The following RPTOR variants were observed in gnomAD, a reference collection of about 807,000 sequenced individuals.
RPTOR encodes regulatory associated protein of MTOR complex 1, also known as regulatory-associated protein of mTOR.
A neutral mutation model predicts 169.9 loss-of-function variants in RPTOR; 21 were observed. The observed-to-expected ratio is 0.12, with a 90% CI of 0.09 to 0.18. The LOEUF is 0.18. Among genes scored for constraint, RPTOR ranks in the 10% least tolerant of loss-of-function variants. The pLI, the probability that RPTOR is intolerant of heterozygous loss-of-function variation, is 1.00. For synonymous variants in RPTOR, 732 were observed against 753.2 expected, an observed-to-expected ratio of 0.97 and a Z score of 0.46; for missense variants, 1,133 against 1,855.9, an observed-to-expected ratio of 0.61 and a Z score of 7.16.
chr17:80,961,774 G>GGGGTGGCA (rs1180483783), intron 31 of RPTOR: 3 of 385,432 alleles, frequency 7.8e-6, no homozygotes, highest in African/African-American at 2.0e-5. Flanking sequence ...TCCACGGGCA[G>GGGGTGGCA]GGGTGGCAGG....
At chr17:80,705,098 C>T (rs562359541) in intron 3 of RPTOR, among the ~76,000 whole-genome samples, 1 of 152,378 alleles carries the variant, frequency 6.6e-6, no homozygotes, top group South Asian at 2.1e-4. Flanking sequence ...TGAGCACTTC[C>T]TCCTTCCCTG....
intron 17 of RPTOR, 65 bp from the exon 18 acceptor site, chr17:80,891,655 C>A: frequency 9.1e-7 from 1 of 1,102,076 alleles, no homozygotes; most frequent in South Asian, 1.3e-5. Context: ...ACTCAAGTCT[C>A]ACTGCTGCTC....
At chr17:80,636,409 A>G (rs547744115) in intron 2 of RPTOR, among the ~76,000 whole-genome samples, 1 of 152,270 alleles carries the variant, frequency 6.6e-6, no homozygotes, top group Non-Finnish European at 1.5e-5. Context: ...AACAACAGAA[A>G]TGTATTTCAC....
In RPTOR at chr17:80,792,766, G is replaced by A. The variant is rs535625231; in HGVS notation, c.890+1257G>A. On this transcript the variant is annotated intron_variant, in intron 7 of 33. Transcript: ENST00000306801. ...TTCCCTGACGAGACTGCAGTTTTGC[G>A]AAGCTGTTCTTGAGATCTGTTTACT... 5.3e-5 allele frequency among the ~76,000 whole-genome samples: 8 copies of A among 152,126 alleles called. No individual in the cohort carries two copies. The East Asian group carries it at 1.2e-3, about 22-fold the overall frequency.
At chr17:80,550,763 T>C (rs1388421086) in intron 1 of RPTOR, among the ~76,000 whole-genome samples, 1 of 152,196 alleles carries the variant, frequency 6.6e-6, no homozygotes, top group Admixed American at 6.5e-5. Context: ...CTTCATTTTG[T>C]CTCCACTGAT....
At chr17:80,748,183 G>A (rs59561114) in intron 5 of RPTOR, among the ~76,000 whole-genome samples, 60 of 61,192 alleles carry the variant, frequency 9.8e-4, no homozygotes, top group Admixed American at 9.2e-3. Context: ...GGATGGAGGG[G>A]CTGCGGTGTG....
chr17:80,848,817 C>T (rs79960925), intron 11 of RPTOR, among the ~76,000 whole-genome samples: 1 of 152,368 alleles, frequency 6.6e-6, no homozygotes, highest in African/African-American at 2.4e-5. Context: ...AAATGGCCTT[C>T]TGTTGATTTC....
chr17:80,618,142 G>A (rs888214994), intron 1 of RPTOR, among the ~76,000 whole-genome samples: 6 of 151,798 alleles, frequency 4.0e-5, no homozygotes, highest in Admixed American at 1.3e-4. Context: ...CACCACAGCC[G>A]GCTAATTTAT....
At chr17:80,572,547 C>T (rs2064918512) in intron 1 of RPTOR, among the ~76,000 whole-genome samples, 2 of 151,780 alleles carry the variant, frequency 1.3e-5, no homozygotes. Context: ...AGTGAAACCC[C>T]ATCTCTCAAA....
At chr17:80,910,235 A>G (rs563320056) in intron 21 of RPTOR, among the ~76,000 whole-genome samples, 11 of 152,266 alleles carry the variant, frequency 7.2e-5, no homozygotes, top group African/African-American at 2.2e-4. Flanking sequence ...GGACTGCCTG[A>G]AACTACCTGC....
chr17:80,935,783 A>G (rs929117633), intron 24 of RPTOR, among the ~76,000 whole-genome samples: 1 of 152,202 alleles, frequency 6.6e-6, no homozygotes, highest in East Asian at 1.9e-4. Context: ...ACAGAAAAAA[A>G]AATATTTCTG....
At chr17:80,873,207 G>A (rs1567960465) in intron 13 of RPTOR, among the ~76,000 whole-genome samples, 2 of 152,144 alleles carry the variant, frequency 1.3e-5, no homozygotes, top group African/African-American at 4.8e-5. Context: ...GGCTCTGTGC[G>A]GTTCCAAGGG....
At chr17:80,649,691 A>G (rs1291750083) in intron 3 of RPTOR, among the ~76,000 whole-genome samples, 1 of 147,686 alleles carries the variant, frequency 6.8e-6, no homozygotes, top group African/African-American at 2.5e-5. Context: ...TTAACTGCTT[A>G]CTGCCCAGAA....
intron 28 of RPTOR, among the ~76,000 whole-genome samples, chr17:80,951,803 G>A (rs1006916417): frequency 1.6e-4 from 24 of 152,338 alleles, no homozygotes; most frequent in African/African-American, 4.6e-4. Flanking sequence ...GCCCAGGGTC[G>A]GGCTGTGCCA....
intron 3 of RPTOR, among the ~76,000 whole-genome samples, chr17:80,657,168 C>G (rs1437240228): frequency 6.6e-6 from 1 of 152,140 alleles, no homozygotes; most frequent in Non-Finnish European, 1.5e-5. Flanking sequence ...AACAGATTGA[C>G]TAGGGATCAG....
intron 3 of RPTOR, among the ~76,000 whole-genome samples, chr17:80,706,719 G>C (rs541329714): frequency 6.6e-6 from 1 of 152,156 alleles, no homozygotes; most frequent in African/African-American, 2.4e-5. Context: ...CTGGCCCTTC[G>C]TCCCTGTTTG....
In RPTOR at chr17:80,730,750, G is replaced by GTTTTTTTTTT; in HGVS notation, c.654+48_654+49insTTTTTTTTTT. 7.3e-6 allele frequency: 4 copies of GTTTTTTTTTT among 550,748 alleles called. No individual in the cohort carries two copies. The highest frequency in any genetic ancestry group is 2.1e-5 in the African/African-American group (1 of 48,644). 34.1% of individuals were successfully genotyped at this position (550,748 alleles called of 1,614,324 possible). On this transcript the variant is annotated intron_variant, in intron 5 of 33. Transcript: ENST00000306801. The surrounding 1 kb of genome is among the most constrained non-coding windows in gnomAD (Gnocchi z 4.2). ...GGAGAGCGGTGCTGGGTTTGGTTTT[G>GTTTTTTTTTT]TTTTCCCTGGGGGTGGGGTTTGGGT...
chr17:80,613,072 C>A (rs1159100576), intron 1 of RPTOR, among the ~76,000 whole-genome samples: 2 of 152,160 alleles, frequency 1.3e-5, no homozygotes, highest in African/African-American at 4.8e-5. Flanking sequence ...ATGAAGGCCC[C>A]CCTGCCCTGG....
chr17:80,642,643 G>T (rs2065563038), intron 2 of RPTOR, among the ~76,000 whole-genome samples: 1 of 152,178 alleles, frequency 6.6e-6, no homozygotes, highest in African/African-American at 2.4e-5. Flanking sequence ...TAATGTCATA[G>T]CATACAAAAA....
Sources: gnomAD v4.1 joint callset for allele counts (sites outside exome capture counted in the v4.1 genomes callset) on GRCh38, gnomAD v4.1.1 for gene constraint, Gnocchi (gnomAD v3.1) non-coding constraint, MANE v1.5 for transcripts, NCBI Gene and HGNC (gene_info 2026-07-23, HGNC 2026-07-21) for gene names.